RUSC2: variants seen among roughly 807,000 people sequenced by gnomAD.
RUSC2 encodes AP-4 complex accessory subunit RUSC2.
RUSC2 carries 34 observed loss-of-function variants against 122.2 expected under a neutral mutation model. That is an observed-to-expected ratio of 0.28 (90% CI 0.21 to 0.37). RUSC2 has a LOEUF of 0.37. Ranked by LOEUF, RUSC2 falls within the 10% of genes least tolerant of loss-of-function variation. The pLI is 1.00. For synonymous variants in RUSC2, 784 were observed against 790.0 expected, an observed-to-expected ratio of 0.99 and a Z score of 0.13; for missense variants, 1,747 against 1,952.4, an observed-to-expected ratio of 0.89 and a Z score of 1.98.
Position 35,555,814 on chromosome 9 carries a change from T to C in RUSC2, c.2656+113T>C, listed in dbSNP as rs945195834. On this transcript the variant is annotated intron_variant, in intron 3 of 11. Transcript: ENST00000361226. This position sits in a 1 kb window ranked among gnomAD's most constrained non-coding sequence, Gnocchi z 4.6. ...ACCTGGGGCCAGAGGTTAGGATGTCTGCATCCCTCCCTCAGCATCTGTAGA... is the reference window on the plus strand; with the variant it reads ...ACCTGGGGCCAGAGGTTAGGATGTCCGCATCCCTCCCTCAGCATCTGTAGA... 4 of 1,465,984 alleles carry C rather than the reference T, an allele frequency of 2.7e-6. No individual in the cohort carries two copies. The highest frequency in any genetic ancestry group is 2.3e-5 in the East Asian group (1 of 43,822). 90.8% of individuals were successfully genotyped at this position (1,465,984 alleles called of 1,614,324 possible).
intron 1 of RUSC2, among the ~76,000 whole-genome samples, chr9:35,524,511 A>G (rs192767883): frequency 6.6e-6 from 1 of 152,362 alleles, no homozygotes; most frequent in East Asian, 1.9e-4. Context: ...GACAGACACT[A>G]TCTTAACGAA....
chr9:35,490,472 C>T (rs1234951229), intron 1 of RUSC2, among the ~76,000 whole-genome samples: 2 of 152,108 alleles, frequency 1.3e-5, no homozygotes, highest in East Asian at 1.9e-4. Context: ...GCATCCCCAA[C>T]CGTCTCCTCA....
In RUSC2 at chr9:35,547,507, T is replaced by G. The variant is rs1166043719; in HGVS notation, c.986T>G (p.Phe329Cys). The G allele has an allele frequency of 6.2e-7, 1 of 1,613,972 alleles. No individual in the cohort carries two copies. Among genetic ancestry groups the G allele is most frequent in the Admixed American group, 1.7e-5 (1 of 60,006 alleles). Reference sequence around the variant, plus strand: ...TATCTGGATCTGCAGCCCTCCCCATTTGAGTCTAAGATGTCTTATGAGTCC... The same window carrying G: ...TATCTGGATCTGCAGCCCTCCCCATGTGAGTCTAAGATGTCTTATGAGTCC... ...AFYLDLQPSPFESKMSYESHH... is the reference protein window; with the variant it reads ...AFYLDLQPSPCESKMSYESHH... The change falls in exon 2 of 12, where the codon TTT becomes TGT. Residue 329 changes from phenylalanine to cysteine, a missense_variant. Phe to Cys is a radical substitution (Grantham distance 205, BLOSUM62 -2). Transcript: ENST00000361226. This position sits in a 1 kb window ranked among gnomAD's most constrained non-coding sequence, Gnocchi z 4.6.
chr9:35,537,154 A>G (rs1564258145), intron 1 of RUSC2, among the ~76,000 whole-genome samples: 1 of 152,186 alleles, frequency 6.6e-6, no homozygotes, highest in Non-Finnish European at 1.5e-5. Context: ...GAATTAAGCC[A>G]AGCACTAGAG....
intron 8 of RUSC2, 98 bp from the exon 9 acceptor site, chr9:35,559,128 G>A (rs924359711): frequency 9.6e-6 from 9 of 933,720 alleles, no homozygotes; most frequent in African/African-American, 1.6e-5. Context: ...ATGGAAGGGC[G>A]TGTTCACCTA....
At chr9:35,504,730 G>A (rs958782004) in intron 1 of RUSC2, among the ~76,000 whole-genome samples, 1 of 152,170 alleles carries the variant, frequency 6.6e-6, no homozygotes, top group African/African-American at 2.4e-5. Context: ...CTCCTGAAGT[G>A]CTGGAATTAT....
In RUSC2 at chr9:35,546,184, C is replaced by T. The variant is rs1450134192; in HGVS notation, c.-92-246C>T. Among the ~76,000 whole-genome samples the T allele has an allele frequency of 8.5e-5, 13 of 152,128 alleles. No individual in the cohort carries two copies. The highest frequency in any genetic ancestry group is 8.5e-4 in the Admixed American group (13 of 15,276). The stretch of plus-strand genomic sequence containing the variant: ...CATATGTGGCATTAGAAGGACTTGG[C>T]CTTTTGTCATAATTTGATGCATAGT... On this transcript the variant is annotated intron_variant, in intron 1 of 11. Coordinates refer to ENST00000361226, the MANE Select transcript of RUSC2 (RefSeq NM_014806.5). The surrounding 1 kb of genome is among the most constrained non-coding windows in gnomAD (Gnocchi z 4.3).
At chr9:35,517,570 T>A (rs192642906) in intron 1 of RUSC2, among the ~76,000 whole-genome samples, 45 of 152,314 alleles carry the variant, frequency 3.0e-4, no homozygotes, top group Admixed American at 1.4e-3. Context: ...ATTGTTTCTT[T>A]TGCTTATGTA....
At chr9:35,541,347 G>A (rs1439557973) in intron 1 of RUSC2, among the ~76,000 whole-genome samples, 7 of 151,734 alleles carry the variant, frequency 4.6e-5, no homozygotes, top group African/African-American at 1.5e-4. Flanking sequence ...CATTAGAGGG[G>A]ATGGGCCACT....
rs116492786 is a variant in RUSC2 at position 35,559,840 on chromosome 9, G to A, written c.3389-189G>A. On this transcript the variant is annotated intron_variant, in intron 9 of 11. Coordinates refer to ENST00000361226, the MANE Select transcript of RUSC2 (RefSeq NM_014806.5). The stretch of plus-strand genomic sequence containing the variant: ...TCACTCCTCTAAACTCAGGGCCACC[G>A]CCTGGGGTTGGAGAGTTTAGGCACT... Among the ~76,000 whole-genome samples the A allele has an allele frequency of 3.2e-3, 480 of 152,326 alleles. 3 individuals carry two copies. The highest frequency in any genetic ancestry group is 0.01 in the African/African-American group (432 of 41,574).
chr9:35,556,012 G>C lies in RUSC2; in HGVS notation c.2717G>C (p.Gly906Ala), dbSNP rs1361104924. The stretch of plus-strand genomic sequence containing the variant: ...GAATACAGGAGGAAGAACCCACTAG[G>C]GCCACCTGGTTTGTCAGGGAGCCTA... ...WREYRRKNPLGPPGLSGSLDR... is the reference protein window; with the variant it reads ...WREYRRKNPLAPPGLSGSLDR... The change falls in exon 4 of 12, where the codon GGG (glycine) becomes GCG (alanine). Residue 906 changes from glycine to alanine, a missense_variant. Transcript: ENST00000361226. 6.2e-7 allele frequency: 1 copy of C among 1,614,166 alleles called. No homozygotes were observed. The highest frequency in any genetic ancestry group is 8.5e-7 in the Non-Finnish European group (1 of 1,180,032).
At chr9:35,534,750 T>A (rs779295480) in intron 1 of RUSC2, among the ~76,000 whole-genome samples, 4 of 152,246 alleles carry the variant, frequency 2.6e-5, no homozygotes, top group Non-Finnish European at 5.9e-5. Flanking sequence ...CCCAAAGCTC[T>A]GGGATTACAG....
At position 35,555,949 on chromosome 9, in the gene RUSC2, C is replaced by T; in HGVS notation, c.2657-3C>T. ...TCTTTCTGCTAATCTGTTCTGCTTC[C>T]AGCCAACCACCTATCCCCTCAAGCC... On this transcript the variant is annotated splice_region_variant and splice_polypyrimidine_tract_variant and intron_variant, in intron 3 of 11. Coordinates refer to ENST00000361226, the MANE Select transcript of RUSC2 (RefSeq NM_014806.5). This position sits in a 1 kb window ranked among gnomAD's most constrained non-coding sequence, Gnocchi z 4.6. The T allele has an allele frequency of 1.9e-6, 3 of 1,613,550 alleles. No individual in the cohort carries two copies. Among genetic ancestry groups the T allele is most frequent in the Non-Finnish European group, 2.5e-6 (3 of 1,179,638 alleles).
rs1423491943 is a variant in RUSC2, at chr9:35,555,872, G to T, written c.2657-80G>T. ...CACAGATAATCTAGTGTTTCATATG[G>T]GCCCACTGGGTGGATGTGAAACTCT... is the stretch of plus-strand genomic sequence containing the variant. On this transcript the variant is annotated intron_variant, in intron 3 of 11. Coordinates refer to ENST00000361226, the MANE Select transcript of RUSC2 (RefSeq NM_014806.5). This position sits in a 1 kb window ranked among gnomAD's most constrained non-coding sequence, Gnocchi z 4.6. 7 of 1,522,614 alleles carry T rather than the reference G, an allele frequency of 4.6e-6. No homozygotes were observed. In the East Asian group the frequency reaches 1.1e-4, roughly 25 times the overall value. 94.3% of individuals were successfully genotyped at this position (1,522,614 alleles called of 1,614,324 possible). A position where few individuals can be genotyped will look rare whatever the true frequency, so the allele number is the denominator to read the frequency against.
chr9:35,521,258 A>G (rs975399089), intron 1 of RUSC2, among the ~76,000 whole-genome samples: 3 of 152,194 alleles, frequency 2.0e-5, no homozygotes, highest in African/African-American at 7.2e-5. Flanking sequence ...AGGTGCTACA[A>G]GTTGAGCTAA....
At chr9:35,494,838 TTACCCAAGA>T (rs1820645978) in intron 1 of RUSC2, among the ~76,000 whole-genome samples, 1 of 147,528 alleles carries the variant, frequency 6.8e-6, no homozygotes, top group Non-Finnish European at 1.5e-5. Context: ...GCATTTTGTC[TTACCCAAGA>T]ATCATTGCCA....
intron 1 of RUSC2, among the ~76,000 whole-genome samples, chr9:35,528,793 T>A (rs1418199599): frequency 6.6e-6 from 1 of 152,132 alleles, no homozygotes; most frequent in Non-Finnish European, 1.5e-5. Context: ...CTTTTTAAAT[T>A]AGCTTAAAAG....
In RUSC2 at chr9:35,528,932, T is replaced by A. The variant is rs77410534; in HGVS notation, c.-92-17498T>A. ...GAGACCCCCATCTTTAAAAAAATTTTTAAAAAAAAATTGTAAAAAGTTTAA... is the reference window on the plus strand; with the variant it reads ...GAGACCCCCATCTTTAAAAAAATTTATAAAAAAAAATTGTAAAAAGTTTAA... On this transcript the variant is annotated intron_variant, in intron 1 of 11. Transcript: ENST00000361226. Among the ~76,000 whole-genome samples, 1,477 of 152,154 alleles carry A rather than the reference T, an allele frequency of 9.7e-3. 23 individuals carry two copies. The highest frequency in any genetic ancestry group is 0.034 in the African/African-American group (1,408 of 41,510).
chr9:35,519,066 T>A (rs758217326), intron 1 of RUSC2, among the ~76,000 whole-genome samples: 1 of 152,208 alleles, frequency 6.6e-6, no homozygotes, highest in South Asian at 2.1e-4. Flanking sequence ...GCTGGACATA[T>A]GAAAGCTCTG....
Sources: allele counts gnomAD v4.1 joint callset (sites outside exome capture counted in the v4.1 genomes callset), GRCh38; gene constraint gnomAD v4.1.1; non-coding constraint Gnocchi (gnomAD v3.1); transcripts MANE v1.5; gene names NCBI Gene and HGNC (gene_info 2026-07-23, HGNC 2026-07-21).